POMT1: variants seen among roughly 807,000 people sequenced by gnomAD.
POMT1 encodes protein O-mannosyl-transferase 1.
Under a neutral mutation model 101.6 loss-of-function variants are expected in POMT1, and 85 were observed. That is an observed-to-expected ratio of 0.84 (90% CI 0.70 to 1.00). The LOEUF is 1.00. POMT1 is among the 50% of genes least tolerant of loss of function. The probability of loss-of-function intolerance (pLI) is 0.00; values close to 1 mark genes in which losing one functional copy is unlikely to be tolerated. For missense variants in POMT1, 857 were observed against 930.4 expected, an observed-to-expected ratio of 0.92 and a Z score of 1.03; for synonymous variants, 371 against 383.0, an observed-to-expected ratio of 0.97 and a Z score of 0.37.
rs779771679 is a variant in POMT1 at position 131,510,284 on chromosome 9, G to T, written c.724G>T (p.Ala242Ser). ...GGTCTGTGTGTTCTGTCACTTGCTC[G>T]CCCGAGCAGTGGCTTTGCTGGTCAT... is the stretch of plus-strand genomic sequence containing the variant. ...SNVCVFCHLL[A>S]RAVALLVIPV... is the part of the protein sequence containing the mutation. Residue 242 changes from alanine (A) to serine (S), a missense_variant, in exon 9 of 20, where the codon GCC becomes TCC. Coordinates refer to ENST00000402686, the MANE Select transcript of POMT1 (RefSeq NM_001077365.2). 6.2e-7 allele frequency: 1 copy of T among 1,614,168 alleles called. No homozygotes were observed. Among genetic ancestry groups the T allele is most frequent in the Non-Finnish European group, 8.5e-7 (1 of 1,180,024 alleles).
intron 1 of POMT1, 30 bp from the exon 2 acceptor site, chr9:131,504,159 A>G (rs748117318): frequency 8.2e-5 from 133 of 1,613,306 alleles, no homozygotes; most frequent in Middle Eastern, 5.0e-4. Flanking sequence ...GTGAGCCCTC[A>G]TGGACCACGG....
In POMT1 at chr9:131,522,633, G is replaced by A. The variant is rs1950182040; in HGVS notation, c.2004-299G>A. 9.1e-6 allele frequency: 5 copies of A among 550,594 alleles called. No individual in the cohort carries two copies. Among genetic ancestry groups the A allele is most frequent in the Middle Eastern group, 4.9e-4 (1 of 2,038 alleles). 34.1% of individuals were successfully genotyped at this position (550,594 alleles called of 1,614,324 possible). On this transcript the variant is annotated intron_variant, in intron 19 of 19. Coordinates refer to ENST00000402686, the MANE Select transcript of POMT1 (RefSeq NM_001077365.2). This position sits in a 1 kb window ranked among gnomAD's most constrained non-coding sequence, Gnocchi z 5.5. ...GTGTTTGGAGGTTGGAGCAGAGGGC[G>A]AGGGCCTCCCGGTTTCAGGAAGCCA...
At position 131,519,066 on chromosome 9, in the gene POMT1, C is replaced by G; in HGVS notation, c.1486+109C>G. 1 of 1,532,078 alleles carries G rather than the reference C, an allele frequency of 6.5e-7. No individual in the cohort carries two copies. Among genetic ancestry groups the G allele is most frequent in the Non-Finnish European group, 8.8e-7 (1 of 1,131,446 alleles). The allele number at this position is 1,532,078 out of a possible 1,614,324, so 94.9% of individuals were successfully genotyped here. On this transcript the variant is annotated intron_variant, in intron 15 of 19. Transcript: ENST00000402686. The surrounding 1 kb of genome is among the most constrained non-coding windows in gnomAD (Gnocchi z 4.3). ...TGGTGGGAAGGGAACTGAGCACATT[C>G]TCCATGCTCGGTGGCAGGTCATCTC...
chr9:131,511,447 C>T lies in POMT1; in HGVS notation c.966C>T (p.His322=). 1 of 1,614,196 alleles carries T rather than the reference C, an allele frequency of 6.2e-7. No homozygotes were observed. Among genetic ancestry groups the T allele is most frequent in the East Asian group, 2.2e-5 (1 of 44,888 alleles). The change falls in exon 10 of 20, where the codon CAC becomes CAT. Residue 322 remains histidine, a synonymous_variant. Coordinates refer to ENST00000402686, the MANE Select transcript of POMT1 (RefSeq NM_001077365.2). ...CTGTGCCCTGCTGGCTTCATTCCCA[C>T]CAGGACACCTACCCCATGATGTAAG... is the stretch of plus-strand genomic sequence containing the variant. ...GKPVPCWLHS[H]QDTYPMIYEN...
In POMT1 at chr9:131,504,102, C is replaced by G. The variant is rs185475716; in HGVS notation, c.-30-87C>G. On this transcript the variant is annotated intron_variant, in intron 1 of 19. Transcript: ENST00000402686. ...AGCCCGGCTGTGCTGTGGTTCTCCTCGTGTGTCCGGGAGCCGGGTGGCTGG... is the reference window on the plus strand; with the variant it reads ...AGCCCGGCTGTGCTGTGGTTCTCCTGGTGTGTCCGGGAGCCGGGTGGCTGG... 4.7e-6 allele frequency: 7 copies of G among 1,503,938 alleles called. No individual in the cohort carries two copies. The East Asian group carries it at 1.6e-4, about 34-fold the overall frequency. The allele number at this position is 1,503,938 out of a possible 1,614,324, so 93.2% of individuals were successfully genotyped here. A position where few individuals can be genotyped will look rare whatever the true frequency, so the allele number is the denominator to read the frequency against.
chr9:131,506,501 AAG>A, intron 4 of POMT1, 48 bp downstream of exon 4: 1 of 1,541,102 alleles, frequency 6.5e-7, no homozygotes, highest in Non-Finnish European at 9.0e-7. Flanking sequence ...GGTTAGAATG[AAG>A]AGATTGTGAC....
intron 1 of POMT1, 118 bp from the exon 2 acceptor site, chr9:131,504,071 C>T: frequency 7.9e-7 from 1 of 1,268,270 alleles, no homozygotes; most frequent in South Asian, 1.2e-5. Context: ...TTCGGTCTTT[C>T]TCAGCAGCCC....
chr9:131,514,311 C>A (rs1284472943), intron 12 of POMT1, among the ~76,000 whole-genome samples: 3 of 152,214 alleles, frequency 2.0e-5, no homozygotes, highest in African/African-American at 7.2e-5. Flanking sequence ...ACACTTCACC[C>A]CCGCCACCCT....
intron 11 of POMT1, among the ~76,000 whole-genome samples, chr9:131,512,712 A>G (rs979510785): frequency 4.6e-5 from 7 of 152,094 alleles, no homozygotes; most frequent in African/African-American, 1.4e-4. Context: ...CCCGGGTTCA[A>G]GTGATTCTCC....
rs773517089 is a variant in POMT1, at chr9:131,507,429, G to T, written c.342G>T (p.Leu114Phe). Reference protein sequence around the residue: ...LRLLPALAGALSVPMAYQIVL... With the variant: ...LRLLPALAGAFSVPMAYQIVL... Reference sequence around the variant, plus strand: ...TGCTGCCAGCACTCGCGGGGGCCTTGTCGGTCCCCATGGCCTACCAGATAG... The same window carrying T: ...TGCTGCCAGCACTCGCGGGGGCCTTTTCGGTCCCCATGGCCTACCAGATAG... Residue 114 changes from leucine to phenylalanine, a missense_variant, in exon 5 of 20, where the codon TTG becomes TTT. Physicochemically the swap from Leu to Phe is conservative, Grantham distance 22. Coordinates refer to ENST00000402686, the MANE Select transcript of POMT1 (RefSeq NM_001077365.2). 2.5e-6 allele frequency: 4 copies of T among 1,614,070 alleles called. No individual in the cohort carries two copies. Among genetic ancestry groups the T allele is most frequent in the Non-Finnish European group, 3.4e-6 (4 of 1,180,042 alleles).
rs563898078 is a variant in POMT1, at chr9:131,503,268, C to T, written c.-31+195C>T. On this transcript the variant is annotated intron_variant, in intron 1 of 19. Coordinates refer to ENST00000402686, the MANE Select transcript of POMT1 (RefSeq NM_001077365.2). This position sits in a 1 kb window ranked among gnomAD's most constrained non-coding sequence, Gnocchi z 4.4. ...GCCCCGAAGTAAGAACTCCGTGGCGCGTGCAGCCCTAGGGAGGAAGGGCGT... is the reference window on the plus strand; with the variant it reads ...GCCCCGAAGTAAGAACTCCGTGGCGTGTGCAGCCCTAGGGAGGAAGGGCGT... 1.3e-5 allele frequency: 2 copies of T among 152,418 alleles called. No individual in the cohort carries two copies. Among genetic ancestry groups the T allele is most frequent in the South Asian group, 2.1e-4 (1 of 4,832 alleles). 9.4% of individuals were successfully genotyped at this position (152,418 alleles called of 1,614,324 possible). A position where few individuals can be genotyped will look rare whatever the true frequency, so the allele number is the denominator to read the frequency against.
chr9:131,516,381 ACACTTCCTCACACGGAG>A (rs1489847351), intron 13 of POMT1, among the ~76,000 whole-genome samples: 1 of 140,170 alleles, frequency 7.1e-6, no homozygotes, highest in Admixed American at 6.9e-5. Context: ...CTCTAACAGA[ACACTTCCTCACACGGAG>A]CACTTCCTCA....
At chr9:131,509,496 C>G (rs1355428624) in intron 6 of POMT1, among the ~76,000 whole-genome samples, 1 of 152,134 alleles carries the variant, frequency 6.6e-6, no homozygotes, top group African/African-American at 2.4e-5. Context: ...TGGCCCTTGG[C>G]TTGTGACTTC....
At position 131,518,542 on chromosome 9, in the gene POMT1, G is replaced by A. The variant is rs775833088; in HGVS notation, c.1365+5G>A. 7 of 1,612,248 alleles carry A rather than the reference G, an allele frequency of 4.3e-6. No individual in the cohort carries two copies. The highest frequency in any genetic ancestry group is 5.9e-6 in the Non-Finnish European group (7 of 1,178,550). On this transcript the variant is annotated splice_donor_5th_base_variant and intron_variant, in intron 14 of 19. Coordinates refer to ENST00000402686, the MANE Select transcript of POMT1 (RefSeq NM_001077365.2). ...AACACTTCCGCTGTCTTAAAGGTAA[G>A]GACACTGTCCGTGGCTTGGCCTGTC...
chr9:131,511,310 C>G, intron 9 of POMT1, 27 bp from the exon 10 acceptor site: 1 of 1,597,248 alleles, frequency 6.3e-7, no homozygotes, highest in Non-Finnish European at 8.6e-7. Context: ...CTGTCTCTCA[C>G]TCATCAACCT....
chr9:131,510,657 C>G, intron 9 of POMT1: 1 of 544,474 alleles, frequency 1.8e-6, no homozygotes, highest in South Asian at 2.0e-5. Flanking sequence ...GCACCTGCAA[C>G]CACACCCAGC....
intron 13 of POMT1, chr9:131,517,057 C>T (rs868182663): frequency 2.0e-5 from 3 of 152,268 alleles, no homozygotes; most frequent in African/African-American, 7.2e-5. Context: ...AGCCCAGCCC[C>T]ATGACCACAG....
intron 2 of POMT1, among the ~76,000 whole-genome samples, chr9:131,505,550 C>T (rs925616559): frequency 6.6e-6 from 1 of 152,072 alleles, no homozygotes; most frequent in Admixed American, 6.5e-5. Flanking sequence ...CGTGAGCCAC[C>T]GTGCCTGGCT....
Position 131,515,360 on chromosome 9 carries a change from A to G in POMT1, c.1176-66A>G, listed in dbSNP as rs575991255. On this transcript the variant is annotated intron_variant, in intron 12 of 19. Coordinates refer to ENST00000402686, the MANE Select transcript of POMT1 (RefSeq NM_001077365.2). ...GAAAAGCAACCTTTTCCTGCCTGAAAGATTTAGTAATTGCCTTCCAGAGGA... is the reference window on the plus strand; with the variant it reads ...GAAAAGCAACCTTTTCCTGCCTGAAGGATTTAGTAATTGCCTTCCAGAGGA... 2.0e-6 allele frequency: 3 copies of G among 1,511,074 alleles called. No homozygotes were observed. In the African/African-American group the frequency reaches 4.1e-5, roughly 21 times the overall value. 93.6% of individuals were successfully genotyped at this position (1,511,074 alleles called of 1,614,324 possible). A position where few individuals can be genotyped will look rare whatever the true frequency, so the allele number is the denominator to read the frequency against.
Sources: allele counts gnomAD v4.1 joint callset (sites outside exome capture counted in the v4.1 genomes callset), GRCh38; gene constraint gnomAD v4.1.1; non-coding constraint Gnocchi (gnomAD v3.1); transcripts MANE v1.5; gene names NCBI Gene and HGNC (gene_info 2026-07-23, HGNC 2026-07-21).